CACNA2D3: variants seen among roughly 807,000 people sequenced by gnomAD.
The protein encoded by CACNA2D3 is voltage-dependent calcium channel subunit alpha-2/delta-3.
Under a neutral mutation model 160.6 loss-of-function variants are expected in CACNA2D3, and 60 were observed. That is an observed-to-expected ratio of 0.37 (90% CI 0.30 to 0.46). CACNA2D3 has a LOEUF of 0.46. CACNA2D3 is among the 20% of genes least tolerant of loss of function. The probability of loss-of-function intolerance (pLI) is 1.00; values close to 1 mark genes in which losing one functional copy is unlikely to be tolerated. For missense variants in CACNA2D3, 1,205 were observed against 1,365.0 expected (o/e 0.88, Z 1.85); for synonymous variants, 558 against 492.9 (o/e 1.13, Z -1.75).
At chr3:54,534,842 G>A (rs1701862539) in intron 5 of CACNA2D3, among the ~76,000 whole-genome samples, 1 of 152,138 alleles carries the variant, frequency 6.6e-6, no homozygotes, top group South Asian at 2.1e-4. Flanking sequence ...TGGGAGAATT[G>A]CTTGAGCTAG....
At chr3:54,861,206 G>T (rs1294195492) in intron 17 of CACNA2D3, among the ~76,000 whole-genome samples, 1 of 152,128 alleles carries the variant, frequency 6.6e-6, no homozygotes, top group Non-Finnish European at 1.5e-5. Flanking sequence ...GTATGGGAAG[G>T]ACTTGACCTG....
chr3:54,631,302 T>C (rs982449184), intron 10 of CACNA2D3, among the ~76,000 whole-genome samples: 1 of 151,698 alleles, frequency 6.6e-6, no homozygotes, highest in Admixed American at 6.7e-5. Flanking sequence ...TTTGTTTGAG[T>C]GCACATTTAT....
chr3:55,069,329 TAA>T (rs1000599002), intron 35 of CACNA2D3, among the ~76,000 whole-genome samples: 4 of 152,184 alleles, frequency 2.6e-5, no homozygotes, highest in East Asian at 1.9e-4. Context: ...AAAAGTTAAT[TAA>T]GAGAGAAATG....
Position 54,439,308 on chromosome 3 carries a change from GGTGT to G in CACNA2D3, c.381+52555_381+52558del, listed in dbSNP as rs71994824. Among the ~76,000 whole-genome samples the G allele has an allele frequency of 5.8e-5, 7 of 120,668 alleles. 1 individual carries two copies. Among genetic ancestry groups the G allele is most frequent in the South Asian group, 4.9e-4 (2 of 4,048 alleles). 79.2% of individuals were successfully genotyped at this position (120,668 alleles called of 152,430 possible). A position where few individuals can be genotyped will look rare whatever the true frequency, so the allele number is the denominator to read the frequency against. On this transcript the variant is annotated intron_variant, in intron 4 of 37. Coordinates refer to ENST00000474759, the MANE Select transcript of CACNA2D3 (RefSeq NM_018398.3). ...ACTCAAGCTAGCCTACATAAAGGAGGGTGTGTGTGTGTGTGTGTGTGTGTTTGTG... is the reference window on the plus strand; with the variant it reads ...ACTCAAGCTAGCCTACATAAAGGAGGGTGTGTGTGTGTGTGTGTGTTTGTG...
intron 11 of CACNA2D3, among the ~76,000 whole-genome samples, chr3:54,713,210 C>G (rs1700986272): frequency 6.6e-6 from 1 of 152,176 alleles, no homozygotes; most frequent in Admixed American, 6.5e-5. Context: ...TCTGATGCTA[C>G]TTTGCTCACT....
chr3:54,492,462 C>A (rs1482600934), intron 4 of CACNA2D3, among the ~76,000 whole-genome samples: 1 of 152,134 alleles, frequency 6.6e-6, no homozygotes, highest in African/African-American at 2.4e-5. Context: ...GCCATAGGAG[C>A]CATTACTTAT....
Position 54,503,548 on chromosome 3 carries a change from G to C in CACNA2D3, c.438G>C (p.Leu146Phe), listed in dbSNP as rs1390842041. 6.2e-7 allele frequency: 1 copy of C among 1,613,794 alleles called. No homozygotes were observed. Among genetic ancestry groups the C allele is most frequent in the Admixed American group, 1.7e-5 (1 of 60,020 alleles). Residue 146 changes from leucine (L) to phenylalanine (F), a missense_variant, in exon 5 of 38, where the codon TTG becomes TTC. Physicochemically the swap from Leu to Phe is conservative, Grantham distance 22 (BLOSUM62 0). This residue lies in a region of CACNA2D3 where 131 missense variants were observed against 201.5 expected (regional missense o/e 0.65). Coordinates refer to ENST00000474759, the MANE Select transcript of CACNA2D3 (RefSeq NM_018398.3). The stretch of plus-strand genomic sequence containing the variant: ...AAAGGGACAAAGACGGGAATTTTTT[G>C]GAGCTGGGAAAGGAATTCATCTTAG... ...INERDKDGNF[L>F]ELGKEFILAP...
intron 4 of CACNA2D3, among the ~76,000 whole-genome samples, chr3:54,489,283 C>G (rs757920120): frequency 6.6e-6 from 1 of 152,106 alleles, no homozygotes; most frequent in African/African-American, 2.4e-5. Context: ...ATTGAGGGGC[C>G]CAAAGTGGGT....
chr3:54,123,780 A>G (rs947733223), intron 2 of CACNA2D3, among the ~76,000 whole-genome samples, 186 bp downstream of exon 2: 3 of 152,174 alleles, frequency 2.0e-5, no homozygotes, highest in African/African-American at 7.2e-5. Context: ...TTTAGATGAC[A>G]CTTGATTCTA....
chr3:54,754,324 A>G (rs1432434682), intron 12 of CACNA2D3, among the ~76,000 whole-genome samples: 3 of 152,206 alleles, frequency 2.0e-5, no homozygotes, highest in Non-Finnish European at 4.4e-5. Context: ...TCCACCAACT[A>G]TGTGCAAGTT....
chr3:55,033,834 A>ATATTACATATTAAATATATTTAAAATG (rs1553635422), intron 35 of CACNA2D3, among the ~76,000 whole-genome samples: 1 of 91,634 alleles, frequency 1.1e-5, no homozygotes, highest in Non-Finnish European at 2.0e-5. Context: ...TATTTAATAT[A>ATATTACATATTAAATATATTTAAAATG]TAATATATAT....
At chr3:54,453,495 T>C (rs1700344903) in intron 4 of CACNA2D3, among the ~76,000 whole-genome samples, 1 of 134,716 alleles carries the variant, frequency 7.4e-6, no homozygotes, top group South Asian at 2.4e-4. Context: ...ACTTTCTGCT[T>C]CCACATTTAT....
intron 11 of CACNA2D3, among the ~76,000 whole-genome samples, chr3:54,709,950 TA>T (rs1228552525): frequency 6.6e-6 from 1 of 152,176 alleles, no homozygotes; most frequent in African/African-American, 2.4e-5. Context: ...ATCAGTCGCC[TA>T]CCACCTGGTA....
At chr3:54,933,261 G>A (rs1183273180) in intron 27 of CACNA2D3, among the ~76,000 whole-genome samples, 1 of 152,162 alleles carries the variant, frequency 6.6e-6, no homozygotes, top group Non-Finnish European at 1.5e-5. Flanking sequence ...CTAATAATTT[G>A]TATTAAAATT....
chr3:54,714,629 A>T (rs1308355527), intron 11 of CACNA2D3, among the ~76,000 whole-genome samples: 1 of 152,068 alleles, frequency 6.6e-6, no homozygotes, highest in Non-Finnish European at 1.5e-5. Flanking sequence ...GTATGTTTAC[A>T]CTCTTGACAA....
intron 9 of CACNA2D3, among the ~76,000 whole-genome samples, chr3:54,605,275 T>C (rs1285499974): frequency 1.3e-5 from 2 of 152,078 alleles, no homozygotes; most frequent in African/African-American, 2.4e-5. Flanking sequence ...AGGGCTTCAG[T>C]GTATCTTTTG....
chr3:54,367,354 G>T (rs539196256), intron 3 of CACNA2D3, among the ~76,000 whole-genome samples: 178 of 152,274 alleles, frequency 1.2e-3, no homozygotes, highest in African/African-American at 4.1e-3. Flanking sequence ...ATGAGTATAG[G>T]GATCCTCTGG....
intron 35 of CACNA2D3, among the ~76,000 whole-genome samples, chr3:55,070,522 C>CCTAT (rs1186715877): frequency 2.0e-5 from 3 of 152,104 alleles, no homozygotes; most frequent in African/African-American, 4.8e-5. Flanking sequence ...GCAGCGGTCA[C>CCTAT]CTATCTCTTC....
intron 9 of CACNA2D3, among the ~76,000 whole-genome samples, chr3:54,582,193 A>G (rs1194740197): frequency 1.3e-5 from 2 of 152,212 alleles, no homozygotes; most frequent in East Asian, 3.8e-4. Flanking sequence ...TAAGATTTCA[A>G]AGAAAATTGA....
Sources: allele counts gnomAD v4.1 joint callset (sites outside exome capture counted in the v4.1 genomes callset), GRCh38; gene constraint gnomAD v4.1.1; regional missense constraint gnomAD v4.1.1; transcripts MANE v1.5; gene names NCBI Gene and HGNC (gene_info 2026-07-23, HGNC 2026-07-21).